SNX29: variants seen among roughly 807,000 people sequenced by gnomAD.
SNX29 encodes the protein sorting nexin-29.
SNX29 carries 78 observed loss-of-function variants against 102.1 expected under a neutral mutation model. The observed-to-expected ratio is 0.76, with a 90% CI of 0.64 to 0.92. The LOEUF (loss-of-function observed/expected upper bound fraction) is 0.92. SNX29 is among the 40% of genes least tolerant of loss of function. SNX29 has a pLI of 0.00. For missense variants in SNX29, 1,280 were observed against 1,061.7 expected, an observed-to-expected ratio of 1.21 and a Z score of -2.86; for synonymous variants, 580 against 414.5, an observed-to-expected ratio of 1.40 and a Z score of -4.85.
Position 12,568,529 on chromosome 16 carries a change from C to T in SNX29, c.2342C>T (p.Pro781Leu), listed in dbSNP as rs532097645. 2.6e-5 allele frequency: 42 copies of T among 1,609,868 alleles called. No individual in the cohort carries two copies. Among genetic ancestry groups the T allele is most frequent in the Admixed American group, 5.0e-5 (3 of 60,014 alleles). ...AGCGACATCACCCCGCCCGGAGAGC[C>T]TGTGAACAGCCGGCCCAAAGCAGCT... ...FFVDITPPGE[P>L]VNSRPKAASR... is the part of the protein sequence containing the mutation. Residue 781 changes from proline to leucine, a missense_variant, in exon 21 of 21, where the codon CCT (proline) becomes CTT (leucine). Physicochemically the swap from Pro to Leu is moderately conservative, Grantham distance 98. Transcript: ENST00000566228.
chr16:12,277,287 T>G lies in SNX29; in HGVS notation c.1679-646T>G, dbSNP rs185708673. On this transcript the variant is annotated intron_variant, in intron 14 of 20. Transcript: ENST00000566228. ...AGCAGGGTTATGCCTACAGTCCCAG[T>G]GACTCAGGAGGCTGAGGCAGGAGGA... Among the ~76,000 whole-genome samples the G allele has an allele frequency of 1.3e-4, 20 of 152,108 alleles. No homozygotes were observed. In the East Asian group the frequency reaches 3.9e-3, roughly 30 times the overall value.
At chr16:12,436,730 T>G (rs1253628066) in intron 18 of SNX29, among the ~76,000 whole-genome samples, 2 of 152,254 alleles carry the variant, frequency 1.3e-5, no homozygotes, top group African/African-American at 4.8e-5. Flanking sequence ...AGTGGCTCAC[T>G]GCAACCTCCG....
At position 12,048,748 on chromosome 16, in the gene SNX29, G is replaced by T. The variant is rs1170161465; in HGVS notation, c.748+128G>T. The stretch of plus-strand genomic sequence containing the variant: ...TCCAGTGCACTTGCGTTTTCCATTT[G>T]TGTTTCTGTTTCTCATCCTCATTCA... On this transcript the variant is annotated intron_variant, in intron 7 of 20. Coordinates refer to ENST00000566228, the MANE Select transcript of SNX29 (RefSeq NM_032167.5). 13 of 1,503,872 alleles carry T rather than the reference G, an allele frequency of 8.6e-6. No individual in the cohort carries two copies. The East Asian group carries it at 2.9e-4, about 34-fold the overall frequency. The allele number at this position is 1,503,872 out of a possible 1,614,324, so 93.2% of individuals were successfully genotyped here.
chr16:12,065,013 G>T (rs2050963157), intron 9 of SNX29, among the ~76,000 whole-genome samples: 1 of 152,214 alleles, frequency 6.6e-6, no homozygotes, highest in Admixed American at 6.5e-5. Flanking sequence ...GTTAGAGAAG[G>T]CAAAGGCACT....
At chr16:12,561,945 C>T (rs930940624) in intron 20 of SNX29, among the ~76,000 whole-genome samples, 1 of 152,132 alleles carries the variant, frequency 6.6e-6, no homozygotes, top group African/African-American at 2.4e-5. Context: ...GAGCCAGGTG[C>T]ATCCCTGGGG....
intron 13 of SNX29, among the ~76,000 whole-genome samples, chr16:12,189,712 G>A (rs1428954732): frequency 1.3e-5 from 2 of 151,940 alleles, no homozygotes; most frequent in African/African-American, 4.8e-5. Context: ...ATTAATTTTG[G>A]ATTGTTCAGT....
intron 20 of SNX29, among the ~76,000 whole-genome samples, chr16:12,552,611 A>G (rs140926434): frequency 0.024 from 3,662 of 152,290 alleles, 76 homozygotes; most frequent in Non-Finnish European, 0.038. Context: ...GGGATGACTA[A>G]AAAAGCAAAA....
At chr16:12,163,836 T>C (rs1375958670) in intron 13 of SNX29, among the ~76,000 whole-genome samples, 1 of 152,108 alleles carries the variant, frequency 6.6e-6, no homozygotes, top group Non-Finnish European at 1.5e-5. Context: ...TCGATGGTGG[T>C]ACTGTTCCGT....
In SNX29 at chr16:12,574,136, G is replaced by GACAC. The variant is rs2079244004; in HGVS notation, c.*5508_*5509insCACA. On this transcript the variant is annotated 3_prime_UTR_variant, in exon 21 of 21. Coordinates refer to ENST00000566228, the MANE Select transcript of SNX29 (RefSeq NM_032167.5). ...TCTTATGTTAAGGTTTACATAATAG[G>GACAC]ATTTTTAAACAAATGTGTTTAATTT... is the stretch of plus-strand genomic sequence containing the variant. 3 of 183,244 alleles carry GACAC rather than the reference G, an allele frequency of 1.6e-5. No homozygotes were observed. The highest frequency in any genetic ancestry group is 1.2e-4 in the Admixed American group (2 of 16,014). 11.4% of individuals were successfully genotyped at this position (183,244 alleles called of 1,614,324 possible). A position where few individuals can be genotyped will look rare whatever the true frequency, so the allele number is the denominator to read the frequency against.
rs1641896 is a variant in SNX29 at position 12,539,899 on chromosome 16, C to T, written c.2318+15058C>T. ...AGAAACTAGGCTGTTTGTGGTTTTA[C>T]AAAGATTTGAGTTTTGGGAGTTCTT... On this transcript the variant is annotated intron_variant, in intron 20 of 20. Transcript: ENST00000566228. Among the ~76,000 whole-genome samples, 708 of 152,292 alleles carry T rather than the reference C, an allele frequency of 4.6e-3. 4 individuals are homozygous for T. The highest frequency in any genetic ancestry group is 0.012 in the African/African-American group (516 of 41,566).
chr16:12,054,918 G>C (rs1465251519), intron 8 of SNX29, among the ~76,000 whole-genome samples: 1 of 152,148 alleles, frequency 6.6e-6, no homozygotes, highest in Non-Finnish European at 1.5e-5. Context: ...TTTGTTATCA[G>C]CGGATCTCAA....
chr16:12,100,408 A>C (rs996400153), intron 11 of SNX29, among the ~76,000 whole-genome samples: 3 of 152,092 alleles, frequency 2.0e-5, no homozygotes, highest in African/African-American at 7.2e-5. Flanking sequence ...GGGGTAGGTA[A>C]AACTGCCCTT....
chr16:12,001,064 CT>C (rs1156899718), intron 2 of SNX29, among the ~76,000 whole-genome samples: 2 of 152,170 alleles, frequency 1.3e-5, no homozygotes, highest in African/African-American at 4.8e-5. Flanking sequence ...AGTTGAACTA[CT>C]TTAAAGGTAG....
At chr16:12,193,964 C>G (rs1307700745) in intron 13 of SNX29, among the ~76,000 whole-genome samples, 1 of 152,156 alleles carries the variant, frequency 6.6e-6, no homozygotes, top group Non-Finnish European at 1.5e-5. Flanking sequence ...ATGATTTTGG[C>G]TATTTTAGTT....
chr16:12,404,875 C>G (rs1028736486), intron 18 of SNX29, among the ~76,000 whole-genome samples: 2 of 152,140 alleles, frequency 1.3e-5, no homozygotes, highest in African/African-American at 4.8e-5. Context: ...GGTCTCAGGT[C>G]TAAGCATAAT....
At chr16:12,555,873 C>T (rs770201383) in intron 20 of SNX29, among the ~76,000 whole-genome samples, 25 of 152,108 alleles carry the variant, frequency 1.6e-4, no homozygotes, top group African/African-American at 2.4e-5. Flanking sequence ...TCTCCAGAGG[C>T]CGTGCTTTCT....
At chr16:12,467,124 A>AG (rs1209261359) in intron 18 of SNX29, among the ~76,000 whole-genome samples, 2 of 152,318 alleles carry the variant, frequency 1.3e-5, no homozygotes, top group African/African-American at 4.8e-5. Flanking sequence ...ACTTCTAACT[A>AG]GCTCTTTGCT....
At chr16:12,446,805 C>T (rs1194715057) in intron 18 of SNX29, among the ~76,000 whole-genome samples, 1 of 152,122 alleles carries the variant, frequency 6.6e-6, no homozygotes. Flanking sequence ...CGTTATTCAC[C>T]TGTTTTATTA....
At chr16:12,136,121 G>A (rs1220603177) in intron 13 of SNX29, among the ~76,000 whole-genome samples, 1 of 152,220 alleles carries the variant, frequency 6.6e-6, no homozygotes, top group Non-Finnish European at 1.5e-5. Flanking sequence ...CCCTCCTTCT[G>A]TGCAGTTCTG....
Sources: allele counts gnomAD v4.1 joint callset (sites outside exome capture counted in the v4.1 genomes callset), GRCh38; gene constraint gnomAD v4.1.1; transcripts MANE v1.5; gene names NCBI Gene and HGNC (gene_info 2026-07-23, HGNC 2026-07-21).